The following ABCB10 variants were observed in gnomAD, a reference collection of about 807,000 sequenced individuals.
The protein encoded by ABCB10 is ATP-binding cassette sub-family B member 10, mitochondrial.
ABCB10 carries 54 observed loss-of-function variants against 65.4 expected under a neutral mutation model. The observed-to-expected ratio is 0.83, with a 90% CI of 0.66 to 1.04. The LOEUF is 1.04. Ranked by LOEUF, ABCB10 falls within the 50% of genes least tolerant of loss-of-function variation. The pLI is 0.00. For missense variants in ABCB10, 846 were observed against 976.6 expected, an observed-to-expected ratio of 0.87 and a Z score of 1.78; for synonymous variants, 418 against 406.5, an observed-to-expected ratio of 1.03 and a Z score of -0.34.
At chr1:229,548,796 G>C (rs958888527) in intron 2 of ABCB10, among the ~76,000 whole-genome samples, 2 of 151,716 alleles carry the variant, frequency 1.3e-5, no homozygotes, top group Non-Finnish European at 2.9e-5. Context: ...CTGAGTAGCT[G>C]AGATTACAGG....
intron 3 of ABCB10, among the ~76,000 whole-genome samples, chr1:229,545,320 G>A (rs867594252): frequency 2.0e-5 from 3 of 152,132 alleles, no homozygotes; most frequent in South Asian, 2.1e-4. Context: ...TTTTCATTCC[G>A]TAAGTCAGAT....
chr1:229,520,466 T>C (rs576505858), intron 11 of ABCB10, among the ~76,000 whole-genome samples: 12 of 143,836 alleles, frequency 8.3e-5, no homozygotes, highest in African/African-American at 2.9e-4. Context: ...CGAGACTCTG[T>C]CTCAAAAAAA....
At position 229,558,353 on chromosome 1, in the gene ABCB10, GC is replaced by G; in HGVS notation, c.299del (p.Cys100SerfsTer112). 1 of 1,255,016 alleles carries G rather than the reference GC, an allele frequency of 8.0e-7. No homozygotes were observed. Among genetic ancestry groups the G allele is most frequent in the South Asian group, 2.0e-5 (1 of 50,932 alleles). The allele number at this position is 1,255,016 out of a possible 1,614,324, so 77.7% of individuals were successfully genotyped here. The stretch of plus-strand genomic sequence containing the variant: ...CTGGCCCGGCAAAAGCCCCGCACCT[GC>G]AGCTGCCGGGGCCGCGAGCCCACAG... Reference protein sequence around the residue: ...LGLWARGPGSCRCGAFAGPGA... With the variant: ...LGLWARGPGSXRCGAFAGPGA... On this transcript the variant is annotated frameshift_variant, in exon 1 of 13. Coordinates refer to ENST00000344517, the MANE Select transcript of ABCB10 (RefSeq NM_012089.3). LOFTEE classifies it high-confidence loss of function.
At position 229,549,525 on chromosome 1, in the gene ABCB10, T is replaced by C. The variant is rs1663056096; in HGVS notation, c.518-91A>G. 3 of 1,243,000 alleles carry C rather than the reference T, an allele frequency of 2.4e-6. No individual in the cohort carries two copies. In the East Asian group the frequency reaches 7.6e-5, roughly 32 times the overall value. The allele number at this position is 1,243,000 out of a possible 1,614,324, so 77.0% of individuals were successfully genotyped here. The stretch of plus-strand genomic sequence containing the variant: ...GGAGGCTTCCTTGCCAAATAAGCTG[T>C]TGTCAGAGTATGCGTTGATCTCAGT... On this transcript the variant is annotated intron_variant, in intron 1 of 12. Transcript: ENST00000344517.
chr1:229,523,747 T>C (rs549558995), intron 10 of ABCB10, among the ~76,000 whole-genome samples: 11 of 152,322 alleles, frequency 7.2e-5, no homozygotes, highest in African/African-American at 2.6e-4. Context: ...TGGAGGATCC[T>C]ACCAGAGGGA....
At chr1:229,523,274 G>A (rs1032019295) in intron 10 of ABCB10, among the ~76,000 whole-genome samples, 26 of 152,222 alleles carry the variant, frequency 1.7e-4, no homozygotes, top group African/African-American at 6.3e-4. Context: ...CTCCAGGAAC[G>A]CTACTCCTAA....
At chr1:229,538,140 C>A (rs576078434) in intron 6 of ABCB10, among the ~76,000 whole-genome samples, 12 of 152,312 alleles carry the variant, frequency 7.9e-5, no homozygotes, top group African/African-American at 2.6e-4. Context: ...GTGGTGGTAA[C>A]TGACTATAGC....
rs1159194314 is a variant in ABCB10, at chr1:229,517,593, T to C, written c.*586A>G. 1.3e-5 allele frequency: 2 copies of C among 152,372 alleles called. No homozygotes were observed. The highest frequency in any genetic ancestry group is 4.8e-5 in the African/African-American group (2 of 41,476). The allele number at this position is 152,372 out of a possible 1,614,324, so 9.4% of individuals were successfully genotyped here. On this transcript the variant is annotated 3_prime_UTR_variant, in exon 13 of 13. Coordinates refer to ENST00000344517, the MANE Select transcript of ABCB10 (RefSeq NM_012089.3). Reference sequence around the variant, plus strand: ...AACATAGTTCCCATAGGAACACATATTCCTCAGCTCTCACACCTTTGAAGA... The same window carrying C: ...AACATAGTTCCCATAGGAACACATACTCCTCAGCTCTCACACCTTTGAAGA...
At position 229,555,507 on chromosome 1, in the gene ABCB10, A is replaced by G. The variant is rs145295900; in HGVS notation, c.517+2629T>C. 2.5e-3 allele frequency among the ~76,000 whole-genome samples: 386 copies of G among 152,346 alleles called. 1 individual carries two copies. Among genetic ancestry groups the G allele is most frequent in the African/African-American group, 9.0e-3 (376 of 41,582 alleles). On this transcript the variant is annotated intron_variant, in intron 1 of 12. Transcript: ENST00000344517. ...AGCTGCTTTCAGCACACGTCTGTAC[A>G]TATTTCATGGTAGACTGTGTTTTTA...
intron 3 of ABCB10, among the ~76,000 whole-genome samples, chr1:229,543,802 C>T (rs1451899774): frequency 2.0e-5 from 3 of 152,182 alleles, no homozygotes; most frequent in Non-Finnish European, 4.4e-5. Context: ...AGCAGATGTG[C>T]ATAGGAATGT....
chr1:229,525,654 C>T (rs1456284457), intron 10 of ABCB10, among the ~76,000 whole-genome samples: 1 of 152,116 alleles, frequency 6.6e-6, no homozygotes, highest in East Asian at 1.9e-4. Flanking sequence ...TCCTGGCTAA[C>T]ACGGTGAAAC....
chr1:229,557,916 CAAGTGTA>C (rs1663297808), intron 1 of ABCB10, among the ~76,000 whole-genome samples: 1 of 152,206 alleles, frequency 6.6e-6, no homozygotes, highest in Admixed American at 6.5e-5. Context: ...AACAAGAAAA[CAAGTGTA>C]AAATCTGCAA....
At chr1:229,535,368 C>T (rs758289276) in intron 6 of ABCB10, among the ~76,000 whole-genome samples, 31 of 152,166 alleles carry the variant, frequency 2.0e-4, no homozygotes, top group Non-Finnish European at 3.4e-4. Flanking sequence ...AACTGTTGTA[C>T]ATCCACACAA....
rs1231255037 is a variant in ABCB10 at position 229,518,849 on chromosome 1, T to C, written c.1977A>G (p.Glu659=). 4.4e-6 allele frequency: 7 copies of C among 1,598,288 alleles called. No individual in the cohort carries two copies. The highest frequency in any genetic ancestry group is 1.7e-5 in the Admixed American group (1 of 57,452). ...TATTAAGATATCCTCACCTGGTTGC[T>C]TCATCTAGGAGAAGAATTTTGGGAT... ...LKNPKILLLD[E]ATSALDAENE... Residue 659 remains glutamate (E), a synonymous_variant, in exon 12 of 13, where the codon GAA becomes GAG. Coordinates refer to ENST00000344517, the MANE Select transcript of ABCB10 (RefSeq NM_012089.3).
intron 8 of ABCB10, among the ~76,000 whole-genome samples, chr1:229,528,577 A>G (rs757635199): frequency 2.6e-5 from 4 of 152,230 alleles, no homozygotes; most frequent in Non-Finnish European, 5.9e-5. Context: ...TGGTGATTCC[A>G]TGGGTCAGGA....
chr1:229,522,073 G>T (rs1000538746), intron 10 of ABCB10, among the ~76,000 whole-genome samples: 17 of 151,952 alleles, frequency 1.1e-4, no homozygotes, highest in Non-Finnish European at 2.4e-4. Flanking sequence ...TGCCCAGGCT[G>T]GTCTCAAGCT....
intron 1 of ABCB10, 131 bp downstream of exon 1, chr1:229,558,005 T>G: frequency 3.0e-6 from 3 of 993,452 alleles, no homozygotes; most frequent in South Asian, 7.5e-5. Context: ...TCCTCCGGGG[T>G]TAGGAGTGGC....
Position 229,558,622 on chromosome 1 carries a change from G to A in ABCB10, c.31C>T (p.Leu11=). 2 of 1,410,030 alleles carry A rather than the reference G, an allele frequency of 1.4e-6. No homozygotes were observed. The highest frequency in any genetic ancestry group is 9.2e-7 in the Non-Finnish European group (1 of 1,082,090). The allele number at this position is 1,410,030 out of a possible 1,614,324, so 87.3% of individuals were successfully genotyped here. A position where few individuals can be genotyped will look rare whatever the true frequency, so the allele number is the denominator to read the frequency against. MRGPPAWPLR[L]LEPPSPAEPG... ...TCGGCAGGGCTCGGTGGCTCGAGCA[G>A]CCGCAGCGGCCAGGCAGGGGGGCCT... The change falls in exon 1 of 13, where the codon CTG becomes TTG. Residue 11 remains leucine (L), a synonymous_variant. Coordinates refer to ENST00000344517, the MANE Select transcript of ABCB10 (RefSeq NM_012089.3).
intron 10 of ABCB10, among the ~76,000 whole-genome samples, chr1:229,522,234 G>T (rs1056536393): frequency 6.6e-6 from 1 of 151,196 alleles, no homozygotes; most frequent in Non-Finnish European, 1.5e-5. Flanking sequence ...TTCAAACAAG[G>T]TCTTGCTCTG....
Sources: allele counts gnomAD v4.1 joint callset (sites outside exome capture counted in the v4.1 genomes callset), GRCh38; gene constraint gnomAD v4.1.1; transcripts MANE v1.5; gene names NCBI Gene and HGNC (gene_info 2026-07-23, HGNC 2026-07-21).